VCL: variants seen among roughly 807,000 people sequenced by gnomAD.
VCL encodes vinculin, also known as epididymis luminal protein 114.
Under a neutral mutation model 125.7 loss-of-function variants are expected in VCL, and 47 were observed. That is an observed-to-expected ratio of 0.37 (90% CI 0.30 to 0.48). The LOEUF is 0.48. Among genes scored for constraint, VCL ranks in the 20% least tolerant of loss-of-function variants. The probability of loss-of-function intolerance (pLI) is 0.99; values close to 1 mark genes in which losing one functional copy is unlikely to be tolerated. For synonymous variants in VCL, 458 were observed against 514.6 expected (o/e 0.89, Z 1.49); for missense variants, 1,069 against 1,455.5 (o/e 0.73, Z 4.32).
At chr10:74,000,599 G>A (rs1840208484) in intron 1 of VCL, among the ~76,000 whole-genome samples, 1 of 152,050 alleles carries the variant, frequency 6.6e-6, no homozygotes, top group African/African-American at 2.4e-5. Flanking sequence ...ATTTTTAGTA[G>A]AGGCGGGGTT....
At chr10:74,072,886 GA>G (rs746949533) in intron 5 of VCL, 34 bp downstream of exon 5, 20 of 1,612,854 alleles carry the variant, frequency 1.2e-5, no homozygotes, top group Middle Eastern at 1.7e-4. Flanking sequence ...TTATAGGGGG[GA>G]AAAATGTTAG....
Position 74,119,801 on chromosome 10 carries a change from T to C in VCL, c.*1632T>C, listed in dbSNP as rs1840378303. 6.6e-6 allele frequency: 1 copy of C among 152,646 alleles called. No homozygotes were observed. The highest frequency in any genetic ancestry group is 1.5e-5 in the Non-Finnish European group (1 of 68,040). 9.5% of individuals were successfully genotyped at this position (152,646 alleles called of 1,614,324 possible). On this transcript the variant is annotated 3_prime_UTR_variant, in exon 22 of 22. Transcript: ENST00000211998. ...GCCCTCAGCATATTTGTATAGTTGC[T>C]TGCCTGATATAAATGCAATATTAAT...
intron 17 of VCL, 53 bp from the exon 18 acceptor site, chr10:74,108,918 C>T: frequency 1.9e-6 from 3 of 1,605,926 alleles, no homozygotes; most frequent in Non-Finnish European, 2.6e-6. Context: ...GGAAAGAATT[C>T]CAGGGGGGAG....
chr10:74,094,630 CAAG>C (rs1268222272), intron 11 of VCL, among the ~76,000 whole-genome samples, 169 bp downstream of exon 11: 1 of 152,144 alleles, frequency 6.6e-6, no homozygotes, highest in African/African-American at 2.4e-5. Context: ...GTGATGTAAT[CAAG>C]AAGCAGACCA....
intron 1 of VCL, among the ~76,000 whole-genome samples, chr10:74,006,802 C>A (rs1840330455): frequency 6.6e-6 from 1 of 152,060 alleles, no homozygotes; most frequent in Admixed American, 6.6e-5. Flanking sequence ...CAATATAGCT[C>A]ATGATATATA....
At chr10:74,117,058 T>C (rs1840321481) in intron 21 of VCL, among the ~76,000 whole-genome samples, 1 of 152,228 alleles carries the variant, frequency 6.6e-6, no homozygotes, top group Non-Finnish European at 1.5e-5. Flanking sequence ...ATTTCAGTCT[T>C]ATAAGTTTGT....
At chr10:74,029,729 T>C (rs1564512514) in intron 1 of VCL, among the ~76,000 whole-genome samples, 1 of 152,216 alleles carries the variant, frequency 6.6e-6, no homozygotes, top group African/African-American at 2.4e-5. Flanking sequence ...TTTTGGGCAA[T>C]TGGTTAAAAT....
intron 19 of VCL, among the ~76,000 whole-genome samples, chr10:74,113,867 A>C (rs1420186552): frequency 1.3e-5 from 2 of 152,138 alleles, no homozygotes; most frequent in Admixed American, 1.3e-4. Context: ...CCTGGGGTGC[A>C]CATCTTGCCC....
intron 1 of VCL, among the ~76,000 whole-genome samples, chr10:74,039,164 G>A (rs1463668104): frequency 1.3e-5 from 2 of 151,952 alleles, no homozygotes; most frequent in Non-Finnish European, 2.9e-5. Flanking sequence ...TGCTCTCCTC[G>A]GCCTCCCAAA....
chr10:74,036,531 T>A (rs1006661989), intron 1 of VCL, among the ~76,000 whole-genome samples: 2 of 151,950 alleles, frequency 1.3e-5, no homozygotes, highest in South Asian at 2.1e-4. Flanking sequence ...CTTTAATCCA[T>A]AGGACTTTTT....
intron 1 of VCL, among the ~76,000 whole-genome samples, chr10:74,025,474 T>C (rs949429407): frequency 2.7e-5 from 4 of 150,660 alleles, no homozygotes; most frequent in Admixed American, 6.6e-5. Context: ...ATTAGCTGAG[T>C]GTGGTGGTGT....
intron 1 of VCL, among the ~76,000 whole-genome samples, chr10:74,036,643 G>T (rs1840984469): frequency 6.6e-6 from 1 of 151,946 alleles, no homozygotes; most frequent in East Asian, 1.9e-4. Context: ...GGCTGAGGTG[G>T]GAGGATTCCT....
At position 74,114,713 on chromosome 10, in the gene VCL, A is replaced by G. The variant is rs138269693; in HGVS notation, c.3154-82A>G. ...CTTTTCTGTGCCAGCCACTGGGAAT[A>G]CAGAGGTAGGTAAGTCTTGCCTTCA... is the stretch of plus-strand genomic sequence containing the variant. On this transcript the variant is annotated intron_variant, in intron 20 of 21. Coordinates refer to ENST00000211998, the MANE Select transcript of VCL (RefSeq NM_014000.3). The G allele has an allele frequency of 2.8e-6, 4 of 1,417,974 alleles. No individual in the cohort carries two copies. In the African/African-American group the frequency reaches 4.3e-5, roughly 15 times the overall value. The allele number at this position is 1,417,974 out of a possible 1,614,324, so 87.8% of individuals were successfully genotyped here. A position where few individuals can be genotyped will look rare whatever the true frequency, so the allele number is the denominator to read the frequency against.
chr10:74,019,019 T>C (rs2136232285), intron 1 of VCL, among the ~76,000 whole-genome samples: 1 of 152,316 alleles, frequency 6.6e-6, no homozygotes, highest in African/African-American at 2.4e-5. Context: ...TCTCTTCTTT[T>C]GACAGTTAAA....
chr10:74,071,140 AG>A lies in VCL; in HGVS notation c.499+59del. On this transcript the variant is annotated intron_variant, in intron 4 of 21. Transcript: ENST00000211998. The surrounding 1 kb of genome is among the most constrained non-coding windows in gnomAD (Gnocchi z 4.1). ...TAAGGATTGTCCATGTTGGAGCCAA[AG>A]GAAAGGGTACCCTCTTCCTACTTTT... 6.5e-7 allele frequency: 1 copy of A among 1,541,922 alleles called. No individual in the cohort carries two copies. Among genetic ancestry groups the A allele is most frequent in the Non-Finnish European group, 9.0e-7 (1 of 1,115,608 alleles).
intron 2 of VCL, among the ~76,000 whole-genome samples, chr10:74,062,955 G>A (rs372564161): frequency 6.6e-6 from 1 of 152,004 alleles, no homozygotes; most frequent in Non-Finnish European, 1.5e-5. Flanking sequence ...TTGTAATCCC[G>A]GCTACCTGGG....
intron 13 of VCL, 96 bp from the exon 14 acceptor site, chr10:74,100,852 G>A (rs919373389): frequency 1.5e-5 from 21 of 1,427,124 alleles, no homozygotes; most frequent in Admixed American, 8.5e-5. Context: ...AAGTCTTTGA[G>A]CAGTTGCTGC....
chr10:74,113,010 A>G (rs1020071394), intron 19 of VCL, among the ~76,000 whole-genome samples: 4 of 152,150 alleles, frequency 2.6e-5, no homozygotes, highest in African/African-American at 9.7e-5. Flanking sequence ...TCCGGCCTCA[A>G]TTACTGCCTG....
chr10:74,070,769 G>A lies in VCL; in HGVS notation c.339G>A (p.Arg113=), dbSNP rs56314318. Residue 113 remains arginine, a synonymous_variant, in exon 3 of 22, where the codon AGG becomes AGA. Coordinates refer to ENST00000211998, the MANE Select transcript of VCL (RefSeq NM_014000.3). ...GAGATTATCTAATTGATGGGTCAAGGGGCATCCTCTCTGGAACATCAGACC... is the reference window on the plus strand; with the variant it reads ...GAGATTATCTAATTGATGGGTCAAGAGGCATCCTCTCTGGAACATCAGACC... The part of the protein sequence containing the change: ...PARDYLIDGS[R]GILSGTSDLL... 19,043 of 1,613,974 alleles carry A rather than the reference G, an allele frequency of 0.012. 1,838 individuals are homozygous for A. The African/African-American group carries it at 0.22, about 18-fold the overall frequency.
Sources: allele counts gnomAD v4.1 joint callset (sites outside exome capture counted in the v4.1 genomes callset), GRCh38; gene constraint gnomAD v4.1.1; non-coding constraint Gnocchi (gnomAD v3.1); transcripts MANE v1.5; gene names NCBI Gene and HGNC (gene_info 2026-07-23, HGNC 2026-07-21).